Variants in PIGN observed in about 807,000 individuals in gnomAD.
The protein encoded by PIGN is phosphatidylinositol glycan anchor biosynthesis class N, also known as GPI ethanolamine phosphate transferase 1.
A neutral mutation model predicts 125.4 loss-of-function variants in PIGN; 117 were observed. The ratio of observed to expected loss-of-function variants is 0.93; its 90% CI spans 0.80 to 1.09. PIGN has a LOEUF of 1.09. Among genes scored for constraint, PIGN ranks in the 50% least tolerant of loss-of-function variants. PIGN has a pLI of 0.00. For synonymous variants in PIGN, 392 were observed against 377.8 expected (o/e 1.04, Z -0.44); for missense variants, 1,075 against 1,094.9 (o/e 0.98, Z 0.26).
chr18:62,141,145 T>C (rs965167416), intron 11 of PIGN, among the ~76,000 whole-genome samples: 4 of 152,216 alleles, frequency 2.6e-5, no homozygotes, highest in African/African-American at 9.6e-5. Context: ...TGACTATGTT[T>C]ATGTAAGTCC....
chr18:62,129,427 T>C (rs924839594), intron 14 of PIGN, among the ~76,000 whole-genome samples: 1 of 152,178 alleles, frequency 6.6e-6, no homozygotes, highest in Non-Finnish European at 1.5e-5. Flanking sequence ...GAAGACTTCT[T>C]GCGTCTCCAT....
intron 23 of PIGN, among the ~76,000 whole-genome samples, chr18:62,029,896 G>A (rs182098922): frequency 1.2e-4 from 18 of 152,308 alleles, no homozygotes; most frequent in Non-Finnish European, 2.5e-4. Context: ...TGAAGGAGCA[G>A]GTCTACCAGA....
chr18:62,089,263 C>G (rs943748168), intron 24 of PIGN, among the ~76,000 whole-genome samples: 2 of 152,012 alleles, frequency 1.3e-5, no homozygotes, highest in African/African-American at 4.8e-5. Context: ...TTATTTGTCC[C>G]TCTATTAATT....
chr18:62,163,290 C>T (rs777513559), intron 2 of PIGN, among the ~76,000 whole-genome samples: 5 of 152,076 alleles, frequency 3.3e-5, no homozygotes, highest in Non-Finnish European at 7.4e-5. Context: ...CTACGGTACA[C>T]CTAATAATAA....
At chr18:62,058,805 C>G (rs1401188252) in intron 30 of PIGN, 1 of 152,058 alleles carries the variant, frequency 6.6e-6, no homozygotes, top group Non-Finnish European at 1.5e-5. Flanking sequence ...CTAAGGCTGA[C>G]TCATAATTAC....
chr18:62,161,615 T>C (rs2036956125), intron 3 of PIGN, among the ~76,000 whole-genome samples: 1 of 152,148 alleles, frequency 6.6e-6, no homozygotes, highest in African/African-American at 2.4e-5. Context: ...AGTTCAAGTA[T>C]AATAAGTAAT....
chr18:62,023,932 T>C (rs2030083773), intron 23 of PIGN, among the ~76,000 whole-genome samples: 1 of 152,348 alleles, frequency 6.6e-6, no homozygotes, highest in South Asian at 2.1e-4. Flanking sequence ...AGAGCTAATA[T>C]ACCATGGTAA....
At chr18:62,097,900 A>C (rs2034277489) in intron 22 of PIGN, among the ~76,000 whole-genome samples, 1 of 152,082 alleles carries the variant, frequency 6.6e-6, no homozygotes, top group Non-Finnish European at 1.5e-5. Flanking sequence ...AAACTCCTCC[A>C]TCTCTATTCT....
chr18:62,066,101 C>A (rs1362385635), intron 30 of PIGN, among the ~76,000 whole-genome samples: 1 of 152,186 alleles, frequency 6.6e-6, no homozygotes, highest in East Asian at 1.9e-4. Context: ...AACTTGCTAA[C>A]AATAGTCTTC....
chr18:62,020,892 C>T (rs1230982449), intron 23 of PIGN, among the ~76,000 whole-genome samples: 3 of 148,676 alleles, frequency 2.0e-5, no homozygotes, highest in African/African-American at 7.5e-5. Flanking sequence ...ACCTGGCAGG[C>T]GGAGCTTGCA....
At chr18:62,037,344 T>A (rs745637508), downstream of PIGN, among the ~76,000 whole-genome samples, 1 of 152,230 alleles carries the variant, frequency 6.6e-6, no homozygotes, top group Non-Finnish European at 1.5e-5. Context: ...AACTTCAGTT[T>A]TCTTATCTGG....
intron 1 of PIGN, among the ~76,000 whole-genome samples, chr18:62,166,776 C>T (rs1251834824): frequency 4.6e-5 from 7 of 152,142 alleles, no homozygotes; most frequent in Admixed American, 2.6e-4. Context: ...AACCAGAAGC[C>T]ATCATTCTCA....
At chr18:62,061,722 G>A (rs558315432) in intron 30 of PIGN, among the ~76,000 whole-genome samples, 69 of 152,154 alleles carry the variant, frequency 4.5e-4, no homozygotes, top group African/African-American at 1.4e-3. Context: ...GAGCTCTGCC[G>A]GTCAGTTTAT....
intron 30 of PIGN, among the ~76,000 whole-genome samples, chr18:62,071,874 A>ATATATATG (rs2032881381): frequency 1.5e-3 from 61 of 41,268 alleles, no homozygotes; most frequent in African/African-American, 0.01. Flanking sequence ...ATATATATAT[A>ATATATATG]TATATATATA....
chr18:62,022,638 A>G (rs971754967), intron 23 of PIGN, among the ~76,000 whole-genome samples: 2 of 152,236 alleles, frequency 1.3e-5, no homozygotes, highest in African/African-American at 4.8e-5. Context: ...TTGTAAGAAT[A>G]TTAAAATCTC....
At chr18:62,121,998 C>A (rs1274676813) in intron 14 of PIGN, among the ~76,000 whole-genome samples, 3 of 151,968 alleles carry the variant, frequency 2.0e-5, no homozygotes, top group Admixed American at 2.0e-4. Flanking sequence ...CAACAGTACA[C>A]AGGGAGTAGA....
intron 4 of PIGN, chr18:62,158,066 C>T (rs2036806110): frequency 3.0e-6 from 1 of 329,804 alleles, no homozygotes; most frequent in Admixed American, 4.3e-5. Context: ...AAACAAAATA[C>T]ATGATTGTTG....
chr18:62,058,092 CAAAGACTCTTTCTTGT>C (rs920823827), intron 30 of PIGN, among the ~76,000 whole-genome samples: 11 of 151,498 alleles, frequency 7.3e-5, no homozygotes, highest in African/African-American at 2.4e-4. Flanking sequence ...GGGTGGCCTT[CAAAGACTCTTTCTTGT>C]AAAGACTCTT....
intron 30 of PIGN, among the ~76,000 whole-genome samples, chr18:62,050,254 A>C (rs1170417505): frequency 6.6e-6 from 1 of 152,118 alleles, no homozygotes; most frequent in Non-Finnish European, 1.5e-5. Flanking sequence ...TTGGTAGCTT[A>C]ATGGGGATGG....
Sources: gnomAD v4.1 joint callset for allele counts (sites outside exome capture counted in the v4.1 genomes callset) on GRCh38, gnomAD v4.1.1 for gene constraint, MANE v1.5 for transcripts, NCBI Gene and HGNC (gene_info 2026-07-23, HGNC 2026-07-21) for gene names.